Variants in AP1S3 observed in about 807,000 individuals in gnomAD.
AP1S3 encodes the protein adaptor related protein complex 1 subunit sigma 3.
Under a neutral mutation model 20.9 loss-of-function variants are expected in AP1S3, and 10 were observed. That is an observed-to-expected ratio of 0.48 (90% CI 0.29 to 0.81). The LOEUF (loss-of-function observed/expected upper bound fraction) is 0.81. Ranked by LOEUF, AP1S3 falls within the 30% of genes least tolerant of loss-of-function variation. The pLI is 0.08. For missense variants in AP1S3, 154 were observed against 183.8 expected (o/e 0.84, Z 0.94); for synonymous variants, 41 against 61.5 (o/e 0.67, Z 1.56).
At chr2:223,816,076 C>T (rs1415193314) in intron 1 of AP1S3, among the ~76,000 whole-genome samples, 1 of 152,316 alleles carries the variant, frequency 6.6e-6, no homozygotes, top group East Asian at 1.9e-4. Context: ...TGCCACTGCG[C>T]TCCAGCCTGG....
intron 1 of AP1S3, among the ~76,000 whole-genome samples, chr2:223,809,395 A>C (rs1359197647): frequency 6.6e-6 from 1 of 152,108 alleles, no homozygotes; most frequent in African/African-American, 2.4e-5. Context: ...CTATAATCCC[A>C]GCACTTCGGG....
intron 1 of AP1S3, among the ~76,000 whole-genome samples, chr2:223,830,710 A>G (rs1692237818): frequency 6.6e-6 from 1 of 152,138 alleles, no homozygotes; most frequent in African/African-American, 2.4e-5. Flanking sequence ...TTACCAGCCC[A>G]GAAAATCCTG....
chr2:223,793,260 G>A lies in AP1S3; in HGVS notation c.4-15391C>T, dbSNP rs1033330409. On this transcript the variant is annotated intron_variant, in intron 1 of 4. Coordinates refer to ENST00000396654, the MANE Select transcript of AP1S3 (RefSeq NM_001039569.2). Reference sequence around the variant, plus strand: ...GGAATATAAATCATTCTATTATAAAGACACATGCCTGTGTACATTCATTGC... The same window carrying A: ...GGAATATAAATCATTCTATTATAAAAACACATGCCTGTGTACATTCATTGC... Among the ~76,000 whole-genome samples, 3 of 152,246 alleles carry A rather than the reference G, an allele frequency of 2.0e-5. No homozygotes were observed. In the South Asian group the frequency reaches 6.2e-4, roughly 32 times the overall value.
chr2:223,823,565 T>A (rs1411944860), intron 1 of AP1S3, among the ~76,000 whole-genome samples: 1 of 152,090 alleles, frequency 6.6e-6, no homozygotes, highest in Non-Finnish European at 1.5e-5. Context: ...GAGAGTAGAA[T>A]AGTGGTTACC....
intron 4 of AP1S3, among the ~76,000 whole-genome samples, chr2:223,761,811 C>T (rs1324188168): frequency 6.6e-6 from 1 of 152,152 alleles, no homozygotes; most frequent in Non-Finnish European, 1.5e-5. Context: ...AGTCTTCCTG[C>T]CTGGGACTCC....
At chr2:223,790,253 A>G (rs1252364976) in intron 1 of AP1S3, among the ~76,000 whole-genome samples, 1 of 148,288 alleles carries the variant, frequency 6.7e-6, no homozygotes, top group East Asian at 1.9e-4. Flanking sequence ...TTTTTTTGAG[A>G]AAGAGTCTTG....
chr2:223,773,753 C>G (rs1438374330), intron 3 of AP1S3, among the ~76,000 whole-genome samples: 1 of 152,144 alleles, frequency 6.6e-6, no homozygotes, highest in Non-Finnish European at 1.5e-5. Flanking sequence ...AAAAAAAACT[C>G]TGCTGGAAGC....
At chr2:223,836,847 C>A (rs1692412979) in intron 1 of AP1S3, among the ~76,000 whole-genome samples, 1 of 152,158 alleles carries the variant, frequency 6.6e-6, no homozygotes, top group South Asian at 2.1e-4. Context: ...AAACCCGCCT[C>A]ACCTGGCAGA....
chr2:223,794,738 C>T (rs534641790), intron 1 of AP1S3, among the ~76,000 whole-genome samples: 73 of 152,304 alleles, frequency 4.8e-4, no homozygotes, highest in African/African-American at 1.5e-3. Flanking sequence ...ATTATCCTGA[C>T]GTCCTTCCTC....
Position 223,756,626 on chromosome 2 carries a change from A to G in AP1S3, c.*2089T>C. ...TAATTACATGGTAACCTGAAGAAAT[A>G]TTGGATAGTAAAAGCCTAATGATTA... On this transcript the variant is annotated 3_prime_UTR_variant, in exon 5 of 5. Coordinates refer to ENST00000396654, the MANE Select transcript of AP1S3 (RefSeq NM_001039569.2). 1.0e-6 allele frequency: 1 copy of G among 985,342 alleles called. No homozygotes were observed. Among genetic ancestry groups the G allele is most frequent in the Non-Finnish European group, 1.2e-6 (1 of 829,828 alleles). The allele number at this position is 985,342 out of a possible 1,614,324, so 61.0% of individuals were successfully genotyped here. A position where few individuals can be genotyped will look rare whatever the true frequency, so the allele number is the denominator to read the frequency against.
At chr2:223,799,494 C>T (rs1691419003) in intron 1 of AP1S3, among the ~76,000 whole-genome samples, 1 of 152,188 alleles carries the variant, frequency 6.6e-6, no homozygotes, top group African/African-American at 2.4e-5. Context: ...AAGCAATCCA[C>T]CATATATCTC....
intron 1 of AP1S3, among the ~76,000 whole-genome samples, chr2:223,809,870 A>T (rs2106117485): frequency 6.6e-6 from 1 of 151,698 alleles, no homozygotes; most frequent in East Asian, 2.0e-4. Flanking sequence ...CTGGGAATAC[A>T]GACACACGCC....
chr2:223,763,882 T>C (rs1411160643), intron 4 of AP1S3, among the ~76,000 whole-genome samples: 1 of 152,154 alleles, frequency 6.6e-6, no homozygotes, highest in Non-Finnish European at 1.5e-5. Context: ...CTCTTCCAAA[T>C]AGCAGGAAAA....
intron 1 of AP1S3, among the ~76,000 whole-genome samples, chr2:223,810,370 T>C (rs2106117907): frequency 6.6e-6 from 1 of 152,290 alleles, no homozygotes; most frequent in Non-Finnish European, 1.5e-5. Flanking sequence ...TGGAGTGCAG[T>C]GGCACAATCA....
At chr2:223,821,531 T>C (rs899119365) in intron 1 of AP1S3, among the ~76,000 whole-genome samples, 1 of 152,208 alleles carries the variant, frequency 6.6e-6, no homozygotes, top group Admixed American at 6.5e-5. Flanking sequence ...TAAAGCAAAA[T>C]AGTAGTGCTG....
chr2:223,773,726 GAAT>G (rs1690686802), intron 3 of AP1S3, among the ~76,000 whole-genome samples: 1 of 88,418 alleles, frequency 1.1e-5, no homozygotes, highest in African/African-American at 5.6e-5. Flanking sequence ...CCATTAAAGA[GAAT>G]AACAACAAGA....
chr2:223,810,411 C>T (rs149024623), intron 1 of AP1S3, among the ~76,000 whole-genome samples: 112 of 152,186 alleles, frequency 7.4e-4, no homozygotes, highest in African/African-American at 2.5e-3. Flanking sequence ...CTCCTGGGCT[C>T]GAGCCTCCCA....
chr2:223,804,133 G>A (rs1466604116), intron 1 of AP1S3, among the ~76,000 whole-genome samples: 1 of 152,092 alleles, frequency 6.6e-6, no homozygotes, highest in Non-Finnish European at 1.5e-5. Context: ...AGCTAGACAT[G>A]TGAACCTCCC....
chr2:223,775,548 A>G (rs7565014), intron 3 of AP1S3, among the ~76,000 whole-genome samples: 99,772 of 152,022 alleles, frequency 0.66, 33,560 homozygotes, highest in East Asian at 0.81. Context: ...CACCTCTTGA[A>G]AGCTTTGGGT....
Sources: allele counts gnomAD v4.1 joint callset (sites outside exome capture counted in the v4.1 genomes callset), GRCh38; gene constraint gnomAD v4.1.1; transcripts MANE v1.5; gene names NCBI Gene and HGNC (gene_info 2026-07-23, HGNC 2026-07-21).